The following CRAMP1 variants were observed in gnomAD, a reference collection of about 807,000 sequenced individuals.
The protein encoded by CRAMP1 is cramped chromatin regulator 1, also known as protein cramped-like.
A neutral mutation model predicts 115.4 loss-of-function variants in CRAMP1; 50 were observed. The ratio of observed to expected loss-of-function variants is 0.43; its 90% CI spans 0.35 to 0.55. The LOEUF (loss-of-function observed/expected upper bound fraction) is 0.55. Among genes scored for constraint, CRAMP1 ranks in the 20% least tolerant of loss-of-function variants. CRAMP1 has a pLI of 0.01. For missense variants in CRAMP1, 1,679 were observed against 1,721.7 expected (o/e 0.98, Z 0.44); for synonymous variants, 866 against 745.4 (o/e 1.16, Z -2.64).
At chr16:1,647,032 C>A in intron 6 of CRAMP1, 1 of 702,862 alleles carries the variant, frequency 1.4e-6, no homozygotes, top group Non-Finnish European at 2.6e-6. Context: ...TTCGTATTTA[C>A]AAACAAACAG....
At chr16:1,642,069 G>A (rs1185283049) in intron 6 of CRAMP1, among the ~76,000 whole-genome samples, 2 of 152,198 alleles carry the variant, frequency 1.3e-5, no homozygotes, top group Non-Finnish European at 2.9e-5. Context: ...CTGGCTGACT[G>A]CTCTCAGTTC....
Position 1,655,928 on chromosome 16 carries a change from C to G in CRAMP1, c.1171C>G (p.Gln391Glu). 6.2e-7 allele frequency: 1 copy of G among 1,613,064 alleles called. No homozygotes were observed. Among genetic ancestry groups the G allele is most frequent in the Non-Finnish European group, 8.5e-7 (1 of 1,179,802 alleles). The change falls in exon 10 of 21, where the codon CAG (glutamine) becomes GAG (glutamate). Residue 391 changes from glutamine to glutamate, a missense_variant. Physicochemically the swap from Gln to Glu is conservative, Grantham distance 29 (BLOSUM62 2). Around this residue, in one of 8 missense-constraint regions of CRAMP1, gnomAD observed 191 missense variants for 236.2 expected, o/e 0.81. Transcript: ENST00000397412. ...GCAGGACTCATGCTCCGCACCGATG[C>G]AGGAGAAGGTGACACTGCACTTGTT... ...QLQDSCSAPM[Q>E]EKVTLHLFPG...
intron 4 of CRAMP1, 139 bp from the exon 5 acceptor site, chr16:1,637,685 C>G: frequency 2.3e-6 from 1 of 441,076 alleles, no homozygotes; most frequent in Non-Finnish European, 4.1e-6. Context: ...CCCAGTGTCC[C>G]CTGTGGTTGA....
chr16:1,669,067 C>A lies in CRAMP1; in HGVS notation c.3401C>A (p.Pro1134Gln). The change falls in exon 19 of 21, where the codon CCG becomes CAG. Residue 1134 changes from proline to glutamine, a missense_variant. Coordinates refer to ENST00000397412, the MANE Select transcript of CRAMP1 (RefSeq NM_020825.4). This position sits in a 1 kb window ranked among gnomAD's most constrained non-coding sequence, Gnocchi z 4.6. ...GSDSSKSLPSPSSSPQPHWIA... is the reference protein window; with the variant it reads ...GSDSSKSLPSQSSSPQPHWIA... ...GACAGTTCCAAGAGCCTTCCCTCCC[C>A]GTCCAGCAGCCCCCAGCCACACTGG... The A allele has an allele frequency of 1.2e-6, 2 of 1,612,370 alleles. No homozygotes were observed. The highest frequency in any genetic ancestry group is 1.7e-6 in the Non-Finnish European group (2 of 1,179,250).
At chr16:1,650,019 C>A (rs1036825766) in intron 6 of CRAMP1, among the ~76,000 whole-genome samples, 1 of 152,108 alleles carries the variant, frequency 6.6e-6, no homozygotes, top group East Asian at 1.9e-4. Context: ...GTCTCGAACT[C>A]CTGACCTCAG....
rs1187084243 is a variant in CRAMP1, at chr16:1,614,675, G to T, written c.36G>T (p.Glu12Asp). 1.5e-6 allele frequency: 2 copies of T among 1,308,372 alleles called. No individual in the cohort carries two copies. Among genetic ancestry groups the T allele is most frequent in the South Asian group, 4.7e-5 (2 of 42,688 alleles). The allele number at this position is 1,308,372 out of a possible 1,614,324, so 81.0% of individuals were successfully genotyped here. A position where few individuals can be genotyped will look rare whatever the true frequency, so the allele number is the denominator to read the frequency against. Residue 12 changes from glutamate (E) to aspartate (D), a missense_variant, in exon 2 of 21, where the codon GAG (glutamate) becomes GAT (aspartate). By Grantham distance (45) the Glu-to-Asp change is conservative. Coordinates refer to ENST00000397412, the MANE Select transcript of CRAMP1 (RefSeq NM_020825.4). This position sits in a 1 kb window ranked among gnomAD's most constrained non-coding sequence, Gnocchi z 4.4. Reference protein sequence around the residue: ...TVKLGDGGSGEDGLKKLGKRA... With the variant: ...TVKLGDGGSGDDGLKKLGKRA... ...AGTTGGGCGACGGCGGCAGCGGGGA[G>T]GACGGGCTCAAGAAGCTGGGCAAGC...
At chr16:1,615,215 G>T (rs1435464186) in intron 2 of CRAMP1, among the ~76,000 whole-genome samples, 3 of 152,034 alleles carry the variant, frequency 2.0e-5, no homozygotes, top group African/African-American at 7.2e-5. Flanking sequence ...ATCCTTTTTT[G>T]GGGGGGAGTC....
At chr16:1,659,512 A>G (rs12922506) in intron 10 of CRAMP1, among the ~76,000 whole-genome samples, 27,298 of 151,788 alleles carry the variant, frequency 0.18, 3,240 homozygotes, top group African/African-American at 0.32. Context: ...CTCAGCCTCC[A>G]GAGTAGCTGA....
At chr16:1,658,686 C>A (rs572160227) in intron 10 of CRAMP1, among the ~76,000 whole-genome samples, 2 of 152,236 alleles carry the variant, frequency 1.3e-5, no homozygotes, top group South Asian at 2.1e-4. Context: ...CAGGAGATGC[C>A]GGAGGCTGCT....
intron 3 of CRAMP1, among the ~76,000 whole-genome samples, chr16:1,631,302 C>T (rs1183474339): frequency 1.3e-5 from 2 of 152,234 alleles, no homozygotes; most frequent in Non-Finnish European, 2.9e-5. Flanking sequence ...TTTCTCGCCC[C>T]GTTGGTTCCC....
At chr16:1,626,443 GTC>G (rs2036509020) in intron 3 of CRAMP1, among the ~76,000 whole-genome samples, 1 of 152,252 alleles carries the variant, frequency 6.6e-6, no homozygotes, top group South Asian at 2.1e-4. Flanking sequence ...CTCACCCCTT[GTC>G]TCTCAAAGAT....
intron 2 of CRAMP1, among the ~76,000 whole-genome samples, chr16:1,619,954 G>A (rs75768734): frequency 0.036 from 5,427 of 152,302 alleles, 168 homozygotes; most frequent in Admixed American, 0.09. Flanking sequence ...GGTCAGGAGG[G>A]GTCCCGGTTT....
At chr16:1,660,174 C>G in intron 11 of CRAMP1, 111 bp downstream of exon 11, 4 of 896,164 alleles carry the variant, frequency 4.5e-6, no homozygotes, top group Non-Finnish European at 6.5e-6. Context: ...CCGGACCCCA[C>G]TGGCCAGCTC....
intron 13 of CRAMP1, among the ~76,000 whole-genome samples, chr16:1,664,316 A>C (rs1056403357): frequency 1.3e-5 from 2 of 152,216 alleles, no homozygotes; most frequent in African/African-American, 2.4e-5. Context: ...GGAGCACTTC[A>C]TGCCCTTTGG....
chr16:1,658,221 G>A (rs575972355), intron 10 of CRAMP1, among the ~76,000 whole-genome samples: 3 of 152,114 alleles, frequency 2.0e-5, no homozygotes, highest in Admixed American at 1.3e-4. Context: ...AGGGGTGGTG[G>A]AGACTGAGCC....
At position 1,614,861 on chromosome 16, in the gene CRAMP1, C is replaced by T; in HGVS notation, c.222C>T (p.Gly74=). 7.6e-7 allele frequency: 1 copy of T among 1,317,990 alleles called. No individual in the cohort carries two copies. The highest frequency in any genetic ancestry group is 9.7e-7 in the Non-Finnish European group (1 of 1,033,656). 81.6% of individuals were successfully genotyped at this position (1,317,990 alleles called of 1,614,324 possible). A position where few individuals can be genotyped will look rare whatever the true frequency, so the allele number is the denominator to read the frequency against. Residue 74 remains glycine (G), a synonymous_variant, in exon 2 of 21, where the codon GGC becomes GGT. Transcript: ENST00000397412. The surrounding 1 kb of genome is among the most constrained non-coding windows in gnomAD (Gnocchi z 4.4). ...CGCAGGCGCCGTCCCCGCCGCAGGG[C>T]AGCCCCCAGGACCAGCACCACTTCC... The part of the protein sequence containing the change: ...GAPQAPSPPQ[G]SPQDQHHFLR...
At chr16:1,634,201 G>A (rs1448254361) in intron 4 of CRAMP1, among the ~76,000 whole-genome samples, 1 of 152,170 alleles carries the variant, frequency 6.6e-6, no homozygotes, top group African/African-American at 2.4e-5. Flanking sequence ...GGTCTAGTGT[G>A]CTTTGCTTGA....
chr16:1,666,383 C>G lies in CRAMP1; in HGVS notation c.2858-39C>G. 1 of 1,581,780 alleles carries G rather than the reference C, an allele frequency of 6.3e-7. No homozygotes were observed. The stretch of plus-strand genomic sequence containing the variant: ...CCTCTTGGGACATCTTATGGGTTGT[C>G]AGTAGAGCAGAGATGTGCAGCGTCC... On this transcript the variant is annotated intron_variant, in intron 15 of 20. Transcript: ENST00000397412. This position sits in a 1 kb window ranked among gnomAD's most constrained non-coding sequence, Gnocchi z 5.0.
Position 1,656,538 on chromosome 16 carries a change from C to A in CRAMP1, c.1781C>A (p.Ala594Glu). The A allele has an allele frequency of 6.4e-7, 1 of 1,557,572 alleles. No homozygotes were observed. The highest frequency in any genetic ancestry group is 8.7e-7 in the Non-Finnish European group (1 of 1,151,406). The part of the protein sequence containing the change: ...PGSEQPPLGG[A>E]ASPEVLAPVS... The stretch of plus-strand genomic sequence containing the variant: ...AGCGAGCAGCCCCCTCTGGGCGGGG[C>A]GGCCTCCCCAGAGGTGCTGGCTCCT... The change falls in exon 10 of 21, where the codon GCG (alanine) becomes GAG (glutamate). Residue 594 changes from alanine (A) to glutamate (E), a missense_variant. By Grantham distance (107) the Ala-to-Glu change is moderately radical. Around this residue, in one of 8 missense-constraint regions of CRAMP1, gnomAD observed 405 missense variants for 302.6 expected, o/e 1.34. Transcript: ENST00000397412. The surrounding 1 kb of genome is among the most constrained non-coding windows in gnomAD (Gnocchi z 5.6).
Sources: allele counts gnomAD v4.1 joint callset (sites outside exome capture counted in the v4.1 genomes callset), GRCh38; gene constraint gnomAD v4.1.1; regional missense constraint gnomAD v4.1.1; non-coding constraint Gnocchi (gnomAD v3.1); transcripts MANE v1.5; gene names NCBI Gene and HGNC (gene_info 2026-07-23, HGNC 2026-07-21).